CSMD1: variants seen among roughly 807,000 people sequenced by gnomAD.
CSMD1 encodes the protein CUB and sushi domain-containing protein 1.
A neutral mutation model predicts 417.5 loss-of-function variants in CSMD1; 213 were observed. The observed-to-expected ratio is 0.51, with a 90% confidence interval of 0.46 to 0.57. CSMD1 has a LOEUF of 0.57. CSMD1 is among the 20% of genes least tolerant of loss of function. The pLI, the probability that CSMD1 is intolerant of heterozygous loss-of-function variation, is 0.00. For synonymous variants in CSMD1, 2,862 were observed against 1,736.8 expected, an observed-to-expected ratio of 1.65 and a Z score of -16.11; for missense variants, 6,923 against 4,529.7, an observed-to-expected ratio of 1.53 and a Z score of -15.17.
At chr8:3,788,145 T>G (rs1799548235) in intron 5 of CSMD1, among the ~76,000 whole-genome samples, 1 of 152,204 alleles carries the variant, frequency 6.6e-6, no homozygotes, top group African/African-American at 2.4e-5. Context: ...GACTTGGAGA[T>G]GAAATCATTT....
chr8:4,359,790 A>T (rs187285083), intron 3 of CSMD1, among the ~76,000 whole-genome samples: 4 of 152,314 alleles, frequency 2.6e-5, no homozygotes, highest in African/African-American at 7.2e-5. Context: ...AAGAACGCAC[A>T]ATGAGTACAG....
chr8:3,802,040 A>G (rs1456841942), intron 5 of CSMD1, among the ~76,000 whole-genome samples: 1 of 152,182 alleles, frequency 6.6e-6, no homozygotes, highest in African/African-American at 2.4e-5. Flanking sequence ...AAGCATACAA[A>G]AATTCATGGA....
chr8:4,186,344 C>A (rs180803426), intron 3 of CSMD1, among the ~76,000 whole-genome samples: 31 of 152,200 alleles, frequency 2.0e-4, no homozygotes, highest in African/African-American at 6.3e-4. Flanking sequence ...ATGGCCCAGC[C>A]CTGGGCTGAT....
At position 4,164,890 on chromosome 8, in the gene CSMD1, A is replaced by ATAT. The variant is rs35804154; in HGVS notation, c.416-132792_416-132791insATA. On this transcript the variant is annotated intron_variant, in intron 3 of 69. Transcript: ENST00000635120. ...AGACTCCATCTCAAAGAAAAAAAAA[A>ATAT]ATATATATATATGTATATATATAGT... is the stretch of plus-strand genomic sequence containing the variant. 1.5e-4 allele frequency among the ~76,000 whole-genome samples: 23 copies of ATAT among 150,332 alleles called. No homozygotes were observed. The South Asian group carries it at 4.2e-3, about 27-fold the overall frequency.
intron 6 of CSMD1, among the ~76,000 whole-genome samples, chr8:3,722,431 C>A (rs141727370): frequency 0.01 from 1,532 of 152,306 alleles, 10 homozygotes; most frequent in Non-Finnish European, 0.016. Context: ...AACTCCTAAT[C>A]TTAAATAAAT....
At chr8:2,979,467 C>T (rs1054887447) in intron 54 of CSMD1, among the ~76,000 whole-genome samples, 1 of 152,170 alleles carries the variant, frequency 6.6e-6, no homozygotes, top group African/African-American at 2.4e-5. Flanking sequence ...AGGGAATTAG[C>T]GATGTGCTTT....
At chr8:3,568,239 A>C (rs1055582936) in intron 10 of CSMD1, among the ~76,000 whole-genome samples, 2 of 152,186 alleles carry the variant, frequency 1.3e-5, no homozygotes, top group African/African-American at 4.8e-5. Flanking sequence ...TTATTTCCCT[A>C]ATCAAAGTTT....
intron 1 of CSMD1, among the ~76,000 whole-genome samples, chr8:4,790,772 C>G (rs1251587485): frequency 6.6e-6 from 1 of 152,198 alleles, no homozygotes; most frequent in African/African-American, 2.4e-5. Flanking sequence ...AGATAAATGG[C>G]TAGCCATATG....
intron 1 of CSMD1, among the ~76,000 whole-genome samples, chr8:4,787,055 G>A (rs958756999): frequency 3.9e-5 from 6 of 152,142 alleles, no homozygotes; most frequent in African/African-American, 1.4e-4. Context: ...TCTAATTACT[G>A]GTAATTTCTA....
chr8:4,914,061 G>A (rs915965189), intron 1 of CSMD1, among the ~76,000 whole-genome samples: 1 of 152,122 alleles, frequency 6.6e-6, no homozygotes, highest in African/African-American at 2.4e-5. Flanking sequence ...ATCTTAGTAC[G>A]ATACCTAAAT....
At chr8:4,205,362 G>A (rs1166784752) in intron 3 of CSMD1, among the ~76,000 whole-genome samples, 1 of 152,172 alleles carries the variant, frequency 6.6e-6, no homozygotes, top group Admixed American at 6.5e-5. Context: ...AATGTCACAA[G>A]GGAAAAAGTG....
chr8:3,293,375 C>G (rs1259569888), intron 25 of CSMD1, among the ~76,000 whole-genome samples: 1 of 152,090 alleles, frequency 6.6e-6, no homozygotes, highest in Non-Finnish European at 1.5e-5. Flanking sequence ...GTTGGCCTGC[C>G]TTGCTAGATT....
chr8:3,567,949 A>G (rs933783429), intron 10 of CSMD1, among the ~76,000 whole-genome samples: 25 of 152,180 alleles, frequency 1.6e-4, no homozygotes, highest in Non-Finnish European at 5.9e-5. Context: ...CCGGAGATGG[A>G]AACCCACCAA....
chr8:4,276,472 C>G (rs1379555925), intron 3 of CSMD1, among the ~76,000 whole-genome samples: 4 of 152,160 alleles, frequency 2.6e-5, no homozygotes, highest in African/African-American at 2.4e-5. Flanking sequence ...CAGGGCCTGT[C>G]AGGAGAAATA....
At chr8:4,324,015 G>A (rs1023512680) in intron 3 of CSMD1, among the ~76,000 whole-genome samples, 1 of 152,188 alleles carries the variant, frequency 6.6e-6, no homozygotes, top group African/African-American at 2.4e-5. Flanking sequence ...GGCAGGCACA[G>A]CCACACCCTT....
At chr8:4,194,466 G>C (rs890359271) in intron 3 of CSMD1, among the ~76,000 whole-genome samples, 2 of 152,020 alleles carry the variant, frequency 1.3e-5, no homozygotes, top group African/African-American at 4.8e-5. Context: ...TTACAATAGC[G>C]CCCTGTCACT....
intron 9 of CSMD1, among the ~76,000 whole-genome samples, chr8:3,580,653 A>C (rs1448185918): frequency 6.6e-6 from 1 of 152,186 alleles, no homozygotes; most frequent in Non-Finnish European, 1.5e-5. Context: ...AGGAGTCAGG[A>C]AACAGCAGCA....
In CSMD1 at chr8:4,776,770, G is replaced by C. The variant is rs59389757; in HGVS notation, c.86-139212C>G. 5.0e-3 allele frequency among the ~76,000 whole-genome samples: 763 copies of C among 152,240 alleles called. 2 individuals carry two copies. Among genetic ancestry groups the C allele is most frequent in the African/African-American group, 0.018 (740 of 41,546 alleles). The stretch of plus-strand genomic sequence containing the variant: ...ACTCAGTTATATTTTAGAAAAAGTT[G>C]TGAAAATACAAGGAATATTATATTA... On this transcript the variant is annotated intron_variant, in intron 1 of 69. Coordinates refer to ENST00000635120, the MANE Select transcript of CSMD1 (RefSeq NM_033225.6).
chr8:4,206,474 T>C (rs1270388575), intron 3 of CSMD1, among the ~76,000 whole-genome samples: 7 of 152,274 alleles, frequency 4.6e-5, no homozygotes, highest in Admixed American at 1.3e-4. Flanking sequence ...CTCAGAATAA[T>C]GGTTTCCAGC....
Sources: allele counts gnomAD v4.1 joint callset (sites outside exome capture counted in the v4.1 genomes callset), GRCh38; gene constraint gnomAD v4.1.1; transcripts MANE v1.5; gene names NCBI Gene and HGNC (gene_info 2026-07-23, HGNC 2026-07-21).